GRID1: variants seen among roughly 807,000 people sequenced by gnomAD.
GRID1 encodes glutamate ionotropic receptor delta type subunit 1, also known as glutamate receptor ionotropic, delta-1.
Under a neutral mutation model 98.0 loss-of-function variants are expected in GRID1, and 28 were observed. The ratio of observed to expected loss-of-function variants is 0.29; its 90% confidence interval spans 0.21 to 0.39. GRID1 has a LOEUF of 0.39. Ranked by LOEUF, GRID1 falls within the 10% of genes least tolerant of loss-of-function variation. GRID1 has a pLI of 1.00. For synonymous variants in GRID1, 553 were observed against 538.5 expected (o/e 1.03, Z -0.37); for missense variants, 1,111 against 1,340.5 (o/e 0.83, Z 2.67).
intron 2 of GRID1, among the ~76,000 whole-genome samples, chr10:86,304,117 A>G (rs1360382400): frequency 6.6e-6 from 1 of 152,186 alleles, no homozygotes; most frequent in Non-Finnish European, 1.5e-5. Context: ...GAGGGGCCCA[A>G]GGGCCTACCC....
chr10:85,758,182 A>G (rs1246859306), intron 8 of GRID1, among the ~76,000 whole-genome samples: 1 of 152,228 alleles, frequency 6.6e-6, no homozygotes, highest in Non-Finnish European at 1.5e-5. Context: ...TTTCATCTGT[A>G]AAGTGAAATC....
chr10:86,047,035 G>A (rs1843434591), intron 4 of GRID1, among the ~76,000 whole-genome samples: 1 of 152,202 alleles, frequency 6.6e-6, no homozygotes, highest in Non-Finnish European at 1.5e-5. Flanking sequence ...CCATGGCTCA[G>A]TACCATGTTC....
At chr10:85,627,138 T>G (rs1409355686) in intron 13 of GRID1, among the ~76,000 whole-genome samples, 4 of 152,140 alleles carry the variant, frequency 2.6e-5, no homozygotes, top group Admixed American at 6.5e-5. Context: ...CATTGATTGT[T>G]AAGGGAAATT....
intron 8 of GRID1, among the ~76,000 whole-genome samples, chr10:85,734,467 G>A (rs968687126): frequency 6.6e-6 from 1 of 152,128 alleles, no homozygotes; most frequent in African/African-American, 2.4e-5. Context: ...TCTAAAAGTG[G>A]TTAGGAATTA....
At chr10:85,847,951 TGAAA>T (rs1315305671) in intron 8 of GRID1, among the ~76,000 whole-genome samples, 4 of 152,172 alleles carry the variant, frequency 2.6e-5, no homozygotes, top group Non-Finnish European at 5.9e-5. Context: ...AATTCCTTTC[TGAAA>T]GAGAGGTTAT....
In GRID1 at chr10:85,856,206, C is replaced by T; in HGVS notation, c.952-16G>A. The T allele has an allele frequency of 1.9e-6, 3 of 1,612,646 alleles. No individual in the cohort carries two copies. Among genetic ancestry groups the T allele is most frequent in the Non-Finnish European group, 2.5e-6 (3 of 1,178,818 alleles). ...GGTTGGAGATCTGCAAAGACAGAGGCAGTGAAACCCTTTCCACAGGTGCAT... is the reference window on the plus strand; with the variant it reads ...GGTTGGAGATCTGCAAAGACAGAGGTAGTGAAACCCTTTCCACAGGTGCAT... On this transcript the variant is annotated splice_polypyrimidine_tract_variant and intron_variant, in intron 6 of 15. Transcript: ENST00000327946.
chr10:86,147,775 T>G (rs572084093), intron 3 of GRID1, among the ~76,000 whole-genome samples: 1 of 152,362 alleles, frequency 6.6e-6, no homozygotes, highest in Non-Finnish European at 1.5e-5. Context: ...GCCTTTTATC[T>G]GCAAACCAAC....
At chr10:86,214,607 A>T (rs1846150297) in intron 2 of GRID1, among the ~76,000 whole-genome samples, 1 of 152,210 alleles carries the variant, frequency 6.6e-6, no homozygotes, top group Non-Finnish European at 1.5e-5. Context: ...TCATGCCTGT[A>T]ATCCTAGCAC....
chr10:85,993,906 G>A (rs1171589124), intron 4 of GRID1, among the ~76,000 whole-genome samples: 1 of 152,154 alleles, frequency 6.6e-6, no homozygotes, highest in South Asian at 2.1e-4. Context: ...ATGTTTCCTT[G>A]CATGGCAGCC....
In GRID1 at chr10:85,727,848, G is replaced by A. The variant is rs1841778708; in HGVS notation, c.1533+7C>T. The A allele has an allele frequency of 6.2e-7, 1 of 1,609,568 alleles. No individual in the cohort carries two copies. Among genetic ancestry groups the A allele is most frequent in the African/African-American group, 1.3e-5 (1 of 74,926 alleles). On this transcript the variant is annotated splice_region_variant and intron_variant, in intron 10 of 15. Transcript: ENST00000327946. ...CCCCTCCCCCTGGATCTGCTATGGG[G>A]ACCTACCTTGCTGATGAGCTCCCCG... is the stretch of plus-strand genomic sequence containing the variant.
intron 6 of GRID1, among the ~76,000 whole-genome samples, chr10:85,863,392 A>T (rs1021999602): frequency 5.9e-5 from 9 of 151,968 alleles, no homozygotes; most frequent in Non-Finnish European, 1.3e-4. Flanking sequence ...TAATACTGTC[A>T]CCTTGGGGAT....
intron 6 of GRID1, among the ~76,000 whole-genome samples, chr10:85,857,463 G>GC (rs1349860501): frequency 1.8e-4 from 27 of 150,532 alleles, no homozygotes; most frequent in African/African-American, 6.8e-4. Flanking sequence ...GGAGCCCAAT[G>GC]GGGGAGAAGG....
chr10:86,004,651 T>G (rs1437974964), intron 4 of GRID1, among the ~76,000 whole-genome samples: 2 of 152,188 alleles, frequency 1.3e-5, no homozygotes, highest in Non-Finnish European at 2.9e-5. Flanking sequence ...TGGCTCACTC[T>G]GCAGATTTCA....
chr10:85,792,200 C>T (rs1315956244), intron 8 of GRID1, among the ~76,000 whole-genome samples: 2 of 152,184 alleles, frequency 1.3e-5, no homozygotes, highest in Admixed American at 6.5e-5. Flanking sequence ...CCTCAACTGC[C>T]AGTGCCACCA....
intron 4 of GRID1, among the ~76,000 whole-genome samples, chr10:85,956,855 C>G (rs1842201251): frequency 6.6e-6 from 1 of 152,174 alleles, no homozygotes; most frequent in Non-Finnish European, 1.5e-5. Context: ...AATCTGGCAA[C>G]TCACAGAATC....
intron 8 of GRID1, among the ~76,000 whole-genome samples, chr10:85,772,270 C>G (rs922815351): frequency 6.6e-6 from 1 of 152,078 alleles, no homozygotes; most frequent in Non-Finnish European, 1.5e-5. Flanking sequence ...TTCTTTGAAA[C>G]CAACAAGAAC....
At chr10:86,052,163 TA>T (rs933111369) in intron 4 of GRID1, among the ~76,000 whole-genome samples, 3 of 151,606 alleles carry the variant, frequency 2.0e-5, no homozygotes, top group East Asian at 3.9e-4. Context: ...TGCTATGGAA[TA>T]AAAAAAAATC....
At chr10:85,706,296 T>C (rs1841517347) in intron 12 of GRID1, among the ~76,000 whole-genome samples, 1 of 152,192 alleles carries the variant, frequency 6.6e-6, no homozygotes, top group Admixed American at 6.5e-5. Context: ...GCAAAAATCA[T>C]AAGCATTCTT....
intron 4 of GRID1, among the ~76,000 whole-genome samples, chr10:85,955,224 A>G (rs1328639869): frequency 6.6e-6 from 1 of 152,180 alleles, no homozygotes; most frequent in Non-Finnish European, 1.5e-5. Flanking sequence ...AGAAACTGAG[A>G]CAAAGAAGCT....
Sources: allele counts gnomAD v4.1 joint callset (sites outside exome capture counted in the v4.1 genomes callset), GRCh38; gene constraint gnomAD v4.1.1; transcripts MANE v1.5; gene names NCBI Gene and HGNC (gene_info 2026-07-23, HGNC 2026-07-21).